The following DLGAP2 variants were observed in gnomAD, a reference collection of about 807,000 sequenced individuals.
DLGAP2 encodes disks large-associated protein 2.
In DLGAP2, 26 loss-of-function variants were observed where a neutral mutation model predicts 100.3. The ratio of observed to expected loss-of-function variants is 0.26; its 90% CI spans 0.19 to 0.36. The LOEUF is 0.36. Among genes scored for constraint, DLGAP2 ranks in the 10% least tolerant of loss-of-function variants. The probability of loss-of-function intolerance (pLI) is 1.00; values close to 1 mark genes in which losing one functional copy is unlikely to be tolerated. For missense variants in DLGAP2, 1,858 were observed against 1,453.2 expected, an observed-to-expected ratio of 1.28 and a Z score of -4.53; for synonymous variants, 886 against 630.1, an observed-to-expected ratio of 1.41 and a Z score of -6.08.
chr8:1,527,600 C>T (rs1247989781), intron 4 of DLGAP2, among the ~76,000 whole-genome samples: 2 of 152,236 alleles, frequency 1.3e-5, no homozygotes, highest in East Asian at 3.9e-4. Context: ...TCTATTTTTC[C>T]TAAGGAAAGA....
At chr8:1,092,263 C>T (rs928632340) in intron 2 of DLGAP2, among the ~76,000 whole-genome samples, 1 of 152,234 alleles carries the variant, frequency 6.6e-6, no homozygotes, top group Middle Eastern at 3.2e-3. Flanking sequence ...AATTTTCCAA[C>T]TCAGAGCCTG....
chr8:1,506,022 G>A (rs1256982140), intron 4 of DLGAP2, among the ~76,000 whole-genome samples: 1 of 152,192 alleles, frequency 6.6e-6, no homozygotes, highest in Admixed American at 6.5e-5. Context: ...TACACACTGT[G>A]TAATTTTGAA....
At chr8:1,171,177 T>C (rs1311720741) in intron 2 of DLGAP2, among the ~76,000 whole-genome samples, 7 of 152,224 alleles carry the variant, frequency 4.6e-5, no homozygotes, top group African/African-American at 1.7e-4. Flanking sequence ...TCAGTTTCCA[T>C]GTAGTTGAGC....
intron 3 of DLGAP2, among the ~76,000 whole-genome samples, chr8:1,437,516 C>T (rs1797680581): frequency 6.6e-6 from 1 of 152,168 alleles, no homozygotes; most frequent in South Asian, 2.1e-4. Flanking sequence ...ATCGACCTAA[C>T]CTCCTGGAAC....
chr8:1,533,708 C>G (rs1469414880), intron 4 of DLGAP2, among the ~76,000 whole-genome samples: 1 of 152,122 alleles, frequency 6.6e-6, no homozygotes. Flanking sequence ...CATAAAACTT[C>G]AAGTTGATAA....
chr8:1,414,890 T>A (rs544582578), intron 3 of DLGAP2, among the ~76,000 whole-genome samples: 57 of 152,192 alleles, frequency 3.7e-4, no homozygotes, highest in Non-Finnish European at 6.2e-4. Flanking sequence ...GCATCTGTAA[T>A]CCCAGCTGCT....
chr8:1,595,292 G>C (rs888088864), intron 6 of DLGAP2, among the ~76,000 whole-genome samples: 2 of 151,770 alleles, frequency 1.3e-5, no homozygotes, highest in South Asian at 4.2e-4. Context: ...ACTTTTTATT[G>C]ACAAATAACA....
At chr8:749,234 C>T (rs1820728877) in intron 1 of DLGAP2, among the ~76,000 whole-genome samples, 1 of 152,198 alleles carries the variant, frequency 6.6e-6, no homozygotes, top group Non-Finnish European at 1.5e-5. Flanking sequence ...CAAGCAGTCC[C>T]CCTGCCTCGG....
intron 2 of DLGAP2, among the ~76,000 whole-genome samples, chr8:1,173,872 C>A (rs189229563): frequency 6.6e-6 from 1 of 152,354 alleles, no homozygotes; most frequent in Admixed American, 6.5e-5. Flanking sequence ...GGCTCCCGCA[C>A]GGTGCACGCA....
chr8:877,669 A>G (rs539612469), intron 1 of DLGAP2, among the ~76,000 whole-genome samples: 2 of 152,330 alleles, frequency 1.3e-5, no homozygotes, highest in Admixed American at 6.5e-5. Flanking sequence ...TCTTCCCTGC[A>G]AGCCAGTAAC....
chr8:1,464,103 C>G (rs956897517), intron 3 of DLGAP2, among the ~76,000 whole-genome samples: 1 of 74,746 alleles, frequency 1.3e-5, no homozygotes, highest in African/African-American at 5.2e-5. Flanking sequence ...GCTGAGCTCC[C>G]AGGCAAGTCA....
At chr8:1,124,385 G>T (rs1284438771) in intron 2 of DLGAP2, among the ~76,000 whole-genome samples, 2 of 152,166 alleles carry the variant, frequency 1.3e-5, no homozygotes, top group African/African-American at 4.8e-5. Context: ...TGAGTCCAGG[G>T]CCCAGAACGT....
chr8:910,597 A>G (rs1030784912), intron 2 of DLGAP2: 2 of 152,128 alleles, frequency 1.3e-5, no homozygotes, highest in Non-Finnish European at 2.9e-5. Context: ...CTTTATTTCT[A>G]AGCATTCTTC....
chr8:1,081,355 A>G (rs1803802039), intron 2 of DLGAP2, among the ~76,000 whole-genome samples: 1 of 152,202 alleles, frequency 6.6e-6, no homozygotes, highest in South Asian at 2.1e-4. Context: ...AAAGGTTTTA[A>G]GAGAAAGTTT....
Position 1,590,124 on chromosome 8 carries a change from T to A in DLGAP2, c.1442+24230T>A, listed in dbSNP as rs1156591931. On this transcript the variant is annotated intron_variant, in intron 6 of 14. Coordinates refer to ENST00000637795, the MANE Select transcript of DLGAP2 (RefSeq NM_001346810.2). ...CCTCTGCCTCCCAGGACCTTCCCCA[T>A]CTTCGTCCCTTCTCCTCTTCTCATA... Among the ~76,000 whole-genome samples the A allele has an allele frequency of 2.0e-5, 3 of 152,122 alleles. No homozygotes were observed. In the East Asian group the frequency reaches 5.8e-4, roughly 29 times the overall value.
At chr8:1,555,493 C>G (rs1801933513) in intron 5 of DLGAP2, among the ~76,000 whole-genome samples, 1 of 152,214 alleles carries the variant, frequency 6.6e-6, no homozygotes, top group South Asian at 2.1e-4. Flanking sequence ...CCCCGACTGC[C>G]ACAGAATCCT....
intron 3 of DLGAP2, among the ~76,000 whole-genome samples, chr8:1,416,673 A>G (rs1796894584): frequency 6.6e-6 from 1 of 152,164 alleles, no homozygotes; most frequent in Admixed American, 6.5e-5. Flanking sequence ...TGACATTTCA[A>G]TCCAAAGTGT....
At position 1,668,683 on chromosome 8, in the gene DLGAP2, C is replaced by T. The variant is rs769185699; in HGVS notation, c.2160+5C>T. On this transcript the variant is annotated splice_donor_5th_base_variant and intron_variant, in intron 9 of 14. Transcript: ENST00000637795. The stretch of plus-strand genomic sequence containing the variant: ...TGCTCCTCCATCGGGATTCAGGTAG[C>T]TGCTCTTGGCCGCCCGTCAGGGCCT... 8 of 1,522,866 alleles carry T rather than the reference C, an allele frequency of 5.3e-6. No individual in the cohort carries two copies. The highest frequency in any genetic ancestry group is 6.2e-6 in the Non-Finnish European group (7 of 1,131,870). 94.3% of individuals were successfully genotyped at this position (1,522,866 alleles called of 1,614,324 possible). A position where few individuals can be genotyped will look rare whatever the true frequency, so the allele number is the denominator to read the frequency against.
chr8:1,512,925 G>A lies in DLGAP2; in HGVS notation c.172+11494G>A, dbSNP rs576402591. Among the ~76,000 whole-genome samples the A allele has an allele frequency of 6.6e-5, 10 of 152,358 alleles. No individual in the cohort carries two copies. In the East Asian group the frequency reaches 1.2e-3, roughly 18 times the overall value. On this transcript the variant is annotated intron_variant, in intron 4 of 14. Transcript: ENST00000637795. Reference sequence around the variant, plus strand: ...CACCCTGTGCCATCTGTGTGTGCACGTTGGTGTCCCAGGCCACAGCGGAGA... The same window carrying A: ...CACCCTGTGCCATCTGTGTGTGCACATTGGTGTCCCAGGCCACAGCGGAGA...
Sources: gnomAD v4.1 joint callset for allele counts (sites outside exome capture counted in the v4.1 genomes callset) on GRCh38, gnomAD v4.1.1 for gene constraint, MANE v1.5 for transcripts, NCBI Gene and HGNC (gene_info 2026-07-23, HGNC 2026-07-21) for gene names.